The following GALNT16 variants were observed in gnomAD, a reference collection of about 807,000 sequenced individuals.
The protein encoded by GALNT16 is UDP-GalNAc:polypeptide N-acetylgalactosaminyltransferase-like protein 1.
A neutral mutation model predicts 76.1 loss-of-function variants in GALNT16; 40 were observed. The observed-to-expected ratio is 0.53, with a 90% CI of 0.41 to 0.68. The LOEUF (loss-of-function observed/expected upper bound fraction) is 0.68, where lower values mean the gene tolerates loss of function less well. GALNT16 is among the 30% of genes least tolerant of loss of function. The pLI is 0.00. For missense variants in GALNT16, 621 were observed against 731.9 expected (o/e 0.85, Z 1.75); for synonymous variants, 276 against 285.2 (o/e 0.97, Z 0.32).
chr14:69,313,173 T>TC (rs2045052094), intron 1 of GALNT16, among the ~76,000 whole-genome samples: 1 of 152,046 alleles, frequency 6.6e-6, no homozygotes, highest in African/African-American at 2.4e-5. Context: ...TGCCCAGTCT[T>TC]CCCCCCATAC....
intron 1 of GALNT16, among the ~76,000 whole-genome samples, chr14:69,305,556 T>A (rs1305899000): frequency 6.6e-6 from 1 of 152,246 alleles, no homozygotes; most frequent in Non-Finnish European, 1.5e-5. Context: ...TTTGTATATA[T>A]TCTTTGGAGA....
chr14:69,311,575 T>C (rs1594841531), intron 1 of GALNT16, among the ~76,000 whole-genome samples: 1 of 152,252 alleles, frequency 6.6e-6, no homozygotes, highest in East Asian at 1.9e-4. Context: ...TGTCATGCTC[T>C]GTCCTATTGG....
At chr14:69,262,149 T>C (rs1325481227) in intron 1 of GALNT16, among the ~76,000 whole-genome samples, 8 of 152,326 alleles carry the variant, frequency 5.3e-5, no homozygotes, top group Admixed American at 4.6e-4. Context: ...CCAGATGCTC[T>C]GTCCCTCTTT....
At chr14:69,299,329 G>A (rs189393383) in intron 1 of GALNT16, among the ~76,000 whole-genome samples, 3 of 152,258 alleles carry the variant, frequency 2.0e-5, no homozygotes, top group South Asian at 2.1e-4. Flanking sequence ...AAGGGATCTC[G>A]CCTCAAGTCT....
At chr14:69,355,279 G>T (rs895913721), downstream of GALNT16, 1 of 152,292 alleles carries the variant, frequency 6.6e-6, no homozygotes, top group African/African-American at 2.4e-5. Flanking sequence ...AGCCCTAGCT[G>T]GCTGCAGAGA....
At chr14:69,359,241 G>C (rs2045709893), downstream of GALNT16, 1 of 152,234 alleles carries the variant, frequency 6.6e-6, no homozygotes, top group Non-Finnish European at 1.5e-5. Flanking sequence ...CTACAGCACA[G>C]AACCTGCTTC....
At chr14:69,322,079 C>G (rs2045195847) in intron 2 of GALNT16, among the ~76,000 whole-genome samples, 1 of 152,226 alleles carries the variant, frequency 6.6e-6, no homozygotes. Flanking sequence ...GTGGCCTGTG[C>G]AAGGTGAGAT....
the GALNT16 span, among the ~76,000 whole-genome samples, chr14:69,373,688 C>T: frequency 6.6e-6 from 1 of 152,140 alleles, no homozygotes; most frequent in Non-Finnish European, 1.5e-5. Context: ...GATTATCTCC[C>T]TCTAAGTCTT....
chr14:69,282,783 A>T (rs2044561618), intron 1 of GALNT16, among the ~76,000 whole-genome samples: 1 of 151,984 alleles, frequency 6.6e-6, no homozygotes, highest in African/African-American at 2.4e-5. Context: ...CTCCTGCCTC[A>T]TCCCTCCTGA....
intron 1 of GALNT16, among the ~76,000 whole-genome samples, chr14:69,266,174 G>A (rs148045473): frequency 2.0e-5 from 3 of 152,222 alleles, no homozygotes; most frequent in African/African-American, 7.2e-5. Flanking sequence ...TCTTTTCTGG[G>A]GCACCTGAAT....
upstream of GALNT16, chr14:69,260,136 A>AACCACCCCC: frequency 8.8e-6 from 1 of 113,994 alleles, no homozygotes; most frequent in Admixed American, 9.3e-5. Context: ...TCTCCCTATC[A>AACCACCCCC]CCCCCCCGCC....
chr14:69,327,999 T>A (rs1201882765), intron 5 of GALNT16, among the ~76,000 whole-genome samples: 1 of 152,068 alleles, frequency 6.6e-6, no homozygotes, highest in Non-Finnish European at 1.5e-5. Context: ...ATGCTGAAGG[T>A]AAGGAAAGGG....
At position 69,276,457 on chromosome 14, in the gene GALNT16, C is replaced by T. The variant is rs190482722; in HGVS notation, c.177+15990C>T. On this transcript the variant is annotated intron_variant, in intron 1 of 14. Transcript: ENST00000448469. ...CAGCACTTTGGGAGGCCGAGGTGGG[C>T]GGATCACGAGGTCAGGAGATCGAGA... Among the ~76,000 whole-genome samples the T allele has an allele frequency of 8.4e-3, 1,282 of 152,098 alleles. 16 individuals are homozygous for T. The highest frequency in any genetic ancestry group is 0.029 in the African/African-American group (1,219 of 41,486).
At chr14:69,267,911 T>G (rs1333050818) in intron 1 of GALNT16, among the ~76,000 whole-genome samples, 1 of 152,188 alleles carries the variant, frequency 6.6e-6, no homozygotes, top group Admixed American at 6.5e-5. Flanking sequence ...CAGCCAGGGC[T>G]TAAGTCCTGA....
chr14:69,279,839 C>T (rs1423666096), intron 1 of GALNT16, among the ~76,000 whole-genome samples: 1 of 152,154 alleles, frequency 6.6e-6, no homozygotes, highest in Non-Finnish European at 1.5e-5. Context: ...GGGGCCTAGG[C>T]CAAGAAATAA....
intron 9 of GALNT16, among the ~76,000 whole-genome samples, chr14:69,337,758 T>A (rs1367312622): frequency 1.3e-5 from 2 of 152,054 alleles, no homozygotes; most frequent in Non-Finnish European, 2.9e-5. Context: ...TGGCCAGAGG[T>A]GGGCTTTAGT....
At chr14:69,282,857 G>A (rs948331039) in intron 1 of GALNT16, among the ~76,000 whole-genome samples, 1 of 152,044 alleles carries the variant, frequency 6.6e-6, no homozygotes, top group Non-Finnish European at 1.5e-5. Context: ...GTAGAGATGG[G>A]GCTTCACCAT....
rs140785600 is a variant in GALNT16, at chr14:69,260,451, G to T, written c.161G>T (p.Arg54Leu). 6.5e-7 allele frequency: 1 copy of T among 1,548,752 alleles called. No homozygotes were observed. The highest frequency in any genetic ancestry group is 1.4e-5 in the African/African-American group (1 of 71,996). ...GRRSEQLRED[R>L]TIPLIVTGTP... Reference sequence around the variant, plus strand: ...AGGTCGGAGCAGCTCCGCGAGGACCGCACCATCCCGCTCATTGTGAGTACG... The same window carrying T: ...AGGTCGGAGCAGCTCCGCGAGGACCTCACCATCCCGCTCATTGTGAGTACG... Residue 54 changes from arginine (R) to leucine (L), a missense_variant, in exon 1 of 15, where the codon CGC becomes CTC. Arg to Leu is a moderately radical substitution (Grantham distance 102). Coordinates refer to ENST00000448469, the MANE Select transcript of GALNT16 (RefSeq NM_001168368.2).
the GALNT16 span, among the ~76,000 whole-genome samples, chr14:69,381,190 G>A: frequency 3.1e-3 from 476 of 152,264 alleles, 4 homozygotes; most frequent in African/African-American, 0.011. Flanking sequence ...CTGAGGCAAG[G>A]GAATTGCTTC....
Sources: gnomAD v4.1 joint callset for allele counts (sites outside exome capture counted in the v4.1 genomes callset) on GRCh38, gnomAD v4.1.1 for gene constraint, MANE v1.5 for transcripts, NCBI Gene and HGNC (gene_info 2026-07-23, HGNC 2026-07-21) for gene names.